The following UNC80 variants were observed in gnomAD, a reference collection of about 807,000 sequenced individuals.
The protein encoded by UNC80 is protein unc-80 homolog.
UNC80 carries 164 observed loss-of-function variants against 384.6 expected under a neutral mutation model. The ratio of observed to expected loss-of-function variants is 0.43; its 90% confidence interval spans 0.38 to 0.49. UNC80 has a LOEUF of 0.49. UNC80 is among the 20% of genes least tolerant of loss of function. The pLI is 0.00. For synonymous variants in UNC80, 1,486 were observed against 1,527.8 expected, an observed-to-expected ratio of 0.97 and a Z score of 0.64; for missense variants, 3,330 against 4,143.0, an observed-to-expected ratio of 0.80 and a Z score of 5.39.
At chr2:209,851,762 A>T (rs2082547581) in intron 22 of UNC80, among the ~76,000 whole-genome samples, 1 of 152,200 alleles carries the variant, frequency 6.6e-6, no homozygotes, top group Admixed American at 6.6e-5. Flanking sequence ...GAAGCTCAGA[A>T]AGACCGATTA....
At chr2:209,810,973 G>T (rs1347297122) in intron 7 of UNC80, among the ~76,000 whole-genome samples, 1 of 152,064 alleles carries the variant, frequency 6.6e-6, no homozygotes, top group Non-Finnish European at 1.5e-5. Context: ...TGTCATCTGA[G>T]GTATAAATGA....
At position 209,872,868 on chromosome 2, in the gene UNC80, C is replaced by T. The variant is rs746507842; in HGVS notation, c.3738C>T (p.Ile1246=). The change falls in exon 23 of 65, where the codon ATC becomes ATT. Residue 1246 remains isoleucine (I), a synonymous_variant. Transcript: ENST00000673920. The surrounding 1 kb of genome is among the most constrained non-coding windows in gnomAD (Gnocchi z 4.1). The part of the protein sequence containing the change: ...PEWMKGHHVN[I]TKKGLSRGRS... Reference sequence around the variant, plus strand: ...GGATGAAAGGGCACCACGTGAACATCACCAAGAAAGGACTTTCCCGGGGAC... The same window carrying T: ...GGATGAAAGGGCACCACGTGAACATTACCAAGAAAGGACTTTCCCGGGGAC... 2 of 1,551,366 alleles carry T rather than the reference C, an allele frequency of 1.3e-6. No individual in the cohort carries two copies. Among genetic ancestry groups the T allele is most frequent in the African/African-American group, 1.4e-5 (1 of 73,028 alleles).
chr2:209,993,476 C>CA (rs1209641827), intron 63 of UNC80, 50 bp downstream of exon 63: 8 of 1,481,666 alleles, frequency 5.4e-6, no homozygotes, highest in Non-Finnish European at 7.4e-6. Context: ...TGATGCCATG[C>CA]AACTCACCCA....
chr2:209,923,470 A>C (rs1275211143), intron 35 of UNC80, among the ~76,000 whole-genome samples: 2 of 152,108 alleles, frequency 1.3e-5, no homozygotes, highest in Admixed American at 6.5e-5. Flanking sequence ...AGAAAAGACC[A>C]TTTTCTCCAT....
At chr2:209,803,412 A>T (rs1290860625) in intron 7 of UNC80, among the ~76,000 whole-genome samples, 1 of 152,236 alleles carries the variant, frequency 6.6e-6, no homozygotes, top group Admixed American at 6.5e-5. Flanking sequence ...ACATAATTAA[A>T]TCAGATTTGG....
intron 21 of UNC80, among the ~76,000 whole-genome samples, chr2:209,846,660 C>T (rs900296260): frequency 6.6e-6 from 1 of 151,838 alleles, no homozygotes; most frequent in Admixed American, 6.6e-5. Context: ...ATAATTACAC[C>T]TCAATATACA....
At chr2:209,868,354 A>T (rs1202694849) in intron 22 of UNC80, among the ~76,000 whole-genome samples, 1 of 152,226 alleles carries the variant, frequency 6.6e-6, no homozygotes, top group Non-Finnish European at 1.5e-5. Flanking sequence ...CTTTAAAAAC[A>T]GTTAGTTTCT....
chr2:209,840,466 G>A (rs1332070599), intron 19 of UNC80, 76 bp from the exon 20 acceptor site: 11 of 1,250,476 alleles, frequency 8.8e-6, no homozygotes, highest in Non-Finnish European at 1.3e-5. Flanking sequence ...CGCTTGTTGG[G>A]CTTATGTTGA....
intron 61 of UNC80, 27 bp downstream of exon 61, chr2:209,984,939 T>C (rs1259913747): frequency 1.3e-6 from 2 of 1,544,422 alleles, no homozygotes; most frequent in Non-Finnish European, 8.7e-7. Flanking sequence ...ACCTGTCTAT[T>C]GGTGTCTGTG....
At chr2:209,910,681 G>GAAAA (rs2088828532) in intron 29 of UNC80, among the ~76,000 whole-genome samples, 3 of 135,698 alleles carry the variant, frequency 2.2e-5, no homozygotes, top group African/African-American at 8.2e-5. Context: ...GGTGTGCTGA[G>GAAAA]TATTTTCCTG....
chr2:209,936,450 C>T (rs1275060164), intron 40 of UNC80, among the ~76,000 whole-genome samples: 1 of 152,150 alleles, frequency 6.6e-6, no homozygotes, highest in Non-Finnish European at 1.5e-5. Context: ...ATGCTTTCTT[C>T]CTGATGCTGA....
At chr2:209,834,289 G>C in intron 17 of UNC80, 121 bp downstream of exon 17, 1 of 1,127,890 alleles carries the variant, frequency 8.9e-7, no homozygotes, top group Non-Finnish European at 1.2e-6. Context: ...AAATTATCTT[G>C]CGTAAGTGGT....
intron 7 of UNC80, among the ~76,000 whole-genome samples, chr2:209,810,458 T>A (rs985590288): frequency 6.6e-6 from 1 of 152,236 alleles, no homozygotes; most frequent in African/African-American, 2.4e-5. Flanking sequence ...TACCTGAGAA[T>A]GTTGTTTAAA....
At chr2:209,819,525 T>C (rs1021197539) in intron 12 of UNC80, among the ~76,000 whole-genome samples, 1 of 152,134 alleles carries the variant, frequency 6.6e-6, no homozygotes, top group African/African-American at 2.4e-5. Context: ...TATACATATA[T>C]AAATACACAT....
intron 61 of UNC80, among the ~76,000 whole-genome samples, chr2:209,990,473 C>T (rs1365738939): frequency 6.6e-6 from 1 of 152,120 alleles, no homozygotes; most frequent in Non-Finnish European, 1.5e-5. Context: ...TATTAACCTC[C>T]TCTTAATGGC....
chr2:209,829,132 T>G, intron 14 of UNC80, 100 bp from the exon 15 acceptor site: 1 of 1,428,026 alleles, frequency 7.0e-7, no homozygotes, highest in Non-Finnish European at 9.4e-7. Flanking sequence ...GTGGGGATGG[T>G]TGGAAACCCT....
chr2:209,807,861 A>G (rs2153826788), intron 7 of UNC80, among the ~76,000 whole-genome samples: 1 of 152,356 alleles, frequency 6.6e-6, no homozygotes, highest in Middle Eastern at 3.4e-3. Flanking sequence ...ATTAAGTCAA[A>G]TAAACTAGTG....
chr2:209,845,393 C>T (rs770808887), intron 21 of UNC80, among the ~76,000 whole-genome samples: 3 of 152,208 alleles, frequency 2.0e-5, no homozygotes, highest in Non-Finnish European at 4.4e-5. Flanking sequence ...TTTAATTCTC[C>T]TACATTCTCT....
chr2:209,874,590 T>TCTG (rs1261616627), intron 23 of UNC80, among the ~76,000 whole-genome samples: 1 of 152,206 alleles, frequency 6.6e-6, no homozygotes, highest in East Asian at 1.9e-4. Context: ...CAGAGTTTCC[T>TCTG]TGCACCTCTG....
Sources: gnomAD v4.1 joint callset for allele counts (sites outside exome capture counted in the v4.1 genomes callset) on GRCh38, gnomAD v4.1.1 for gene constraint, Gnocchi (gnomAD v3.1) non-coding constraint, MANE v1.5 for transcripts, NCBI Gene and HGNC (gene_info 2026-07-23, HGNC 2026-07-21) for gene names.